STRADB: variants seen among roughly 807,000 people sequenced by gnomAD.
STRADB encodes the protein STE20 related adaptor beta, also known as STE20-related kinase adapter protein beta.
A neutral mutation model predicts 52.1 loss-of-function variants in STRADB; 34 were observed. The observed-to-expected ratio is 0.65, with a 90% CI of 0.50 to 0.87. The LOEUF (loss-of-function observed/expected upper bound fraction) is 0.87. STRADB is among the 40% of genes least tolerant of loss of function. The pLI, the probability that STRADB is intolerant of heterozygous loss-of-function variation, is 0.00. For synonymous variants in STRADB, 133 were observed against 174.5 expected, an observed-to-expected ratio of 0.76 and a Z score of 1.87; for missense variants, 340 against 483.9, an observed-to-expected ratio of 0.70 and a Z score of 2.79.
chr2:201,474,294 A>G (rs1952438883), intron 5 of STRADB, among the ~76,000 whole-genome samples: 2 of 152,236 alleles, frequency 1.3e-5, no homozygotes, highest in South Asian at 4.1e-4. Flanking sequence ...TGAGGTAGCA[A>G]TAGAGGGATT....
intron 3 of STRADB, 68 bp downstream of exon 3, chr2:201,458,932 C>T (rs1952170475): frequency 1.4e-6 from 2 of 1,387,260 alleles, no homozygotes; most frequent in Admixed American, 1.8e-5. Context: ...GAGGCCAAGG[C>T]AGGAGAATCA....
At chr2:201,458,734 C>A in intron 2 of STRADB, 50 bp from the exon 3 acceptor site, 1 of 1,555,654 alleles carries the variant, frequency 6.4e-7, no homozygotes, top group Non-Finnish European at 8.8e-7. Context: ...ACCACCCCTG[C>A]TTATCCTGTA....
chr2:201,472,791 TG>T lies in STRADB; in HGVS notation c.194-162del, dbSNP rs1952411073. 10 of 572,688 alleles carry T rather than the reference TG, an allele frequency of 1.7e-5. No homozygotes were observed. The Middle Eastern group carries it at 1.6e-3, about 90-fold the overall frequency. 35.5% of individuals were successfully genotyped at this position (572,688 alleles called of 1,614,324 possible). ...TTTAATCCTCTGCCTGTTTTTTAAT[TG>T]GATTGCTTGATAAGTATTATTAATA... On this transcript the variant is annotated intron_variant, in intron 4 of 11. Coordinates refer to ENST00000194530, the MANE Select transcript of STRADB (RefSeq NM_018571.6).
At position 201,454,855 on chromosome 2, in the gene STRADB, A is replaced by G; in HGVS notation, c.12+3A>G. On this transcript the variant is annotated splice_donor_region_variant and intron_variant, in intron 2 of 11. Coordinates refer to ENST00000194530, the MANE Select transcript of STRADB (RefSeq NM_018571.6). ...AAAGTGATTCAATGTCTCTTTTGGTAAGTTTTTGTAAATATAGATCTGATT... is the reference window on the plus strand; with the variant it reads ...AAAGTGATTCAATGTCTCTTTTGGTGAGTTTTTGTAAATATAGATCTGATT... 1.2e-6 allele frequency: 2 copies of G among 1,607,974 alleles called. No homozygotes were observed. Among genetic ancestry groups the G allele is most frequent in the Non-Finnish European group, 1.7e-6 (2 of 1,177,352 alleles).
At chr2:201,461,464 G>GC (rs1280216998) in intron 3 of STRADB, among the ~76,000 whole-genome samples, 4 of 152,108 alleles carry the variant, frequency 2.6e-5, no homozygotes, top group Non-Finnish European at 4.4e-5. Context: ...GAGCCAATGT[G>GC]CCCAGAACTG....
chr2:201,477,658 C>G lies in STRADB; in HGVS notation c.588C>G (p.Gly196=). The G allele has an allele frequency of 1.2e-6, 2 of 1,610,510 alleles. No individual in the cohort carries two copies. The highest frequency in any genetic ancestry group is 1.7e-6 in the Non-Finnish European group (2 of 1,177,274). The change falls in exon 8 of 12, where the codon GGC becomes GGG. Residue 196 remains glycine, a synonymous_variant. Transcript: ENST00000194530. ...GCCATATCCTCATTTCTGGTGATGG[C>G]CTAGTGACCCTCTCTGGCCTGTCCC... ...KASHILISGD[G]LVTLSGLSHL...
chr2:201,477,906 T>G, intron 8 of STRADB, 116 bp downstream of exon 8: 1 of 1,330,930 alleles, frequency 7.5e-7, no homozygotes, highest in South Asian at 1.4e-5. Flanking sequence ...AAGACTTTAT[T>G]TCTCTTTCTT....
chr2:201,467,473 G>A (rs1467237069), intron 3 of STRADB, among the ~76,000 whole-genome samples: 2 of 152,130 alleles, frequency 1.3e-5, no homozygotes, highest in African/African-American at 4.8e-5. Context: ...CTTGATGCCT[G>A]AGCCACACTT....
intron 2 of STRADB, among the ~76,000 whole-genome samples, chr2:201,458,536 A>G (rs965155099): frequency 1.3e-5 from 2 of 152,242 alleles, no homozygotes; most frequent in Non-Finnish European, 2.9e-5. Context: ...AAAAGAGGGC[A>G]AGGATCAGTG....
chr2:201,470,107 C>A (rs970594136), intron 4 of STRADB, 55 bp downstream of exon 4: 2 of 1,348,976 alleles, frequency 1.5e-6, no homozygotes, highest in Admixed American at 3.5e-5. Context: ...AAATTGATGA[C>A]AAAAAGATTA....
chr2:201,452,413 G>A (rs980595648), intron 1 of STRADB, among the ~76,000 whole-genome samples: 5 of 152,234 alleles, frequency 3.3e-5, no homozygotes, highest in Non-Finnish European at 7.3e-5. Flanking sequence ...AAATACTCGA[G>A]TGTCGTTTTG....
chr2:201,474,066 A>G (rs909863293), intron 5 of STRADB, among the ~76,000 whole-genome samples: 1 of 151,790 alleles, frequency 6.6e-6, no homozygotes, highest in African/African-American at 2.4e-5. Flanking sequence ...AACTTTTTGT[A>G]TTTTTAGTAG....
intron 1 of STRADB, among the ~76,000 whole-genome samples, chr2:201,453,514 A>G (rs1056399019): frequency 7.2e-5 from 11 of 152,142 alleles, no homozygotes; most frequent in African/African-American, 2.7e-4. Context: ...TGTATTGACT[A>G]TGATGTGTAG....
At chr2:201,459,940 C>A (rs1278085657) in intron 3 of STRADB, among the ~76,000 whole-genome samples, 1 of 152,116 alleles carries the variant, frequency 6.6e-6, no homozygotes, top group South Asian at 2.1e-4. Flanking sequence ...TCCACTTACA[C>A]TTTTTATTTG....
At position 201,480,543 on chromosome 2, in the gene STRADB, T is replaced by A; in HGVS notation, c.*368T>A. 9.9e-7 allele frequency: 1 copy of A among 1,010,226 alleles called. No homozygotes were observed. The highest frequency in any genetic ancestry group is 1.2e-6 in the Non-Finnish European group (1 of 844,726). The allele number at this position is 1,010,226 out of a possible 1,614,324, so 62.6% of individuals were successfully genotyped here. On this transcript the variant is annotated 3_prime_UTR_variant, in exon 12 of 12. Transcript: ENST00000194530. The stretch of plus-strand genomic sequence containing the variant: ...AGAGGACAGTGCTTCCAAGTACATC[T>A]TCTCCCAGATTCTCTGGCCTTTTTA...
At chr2:201,460,080 A>G (rs997368849) in intron 3 of STRADB, among the ~76,000 whole-genome samples, 2 of 152,144 alleles carry the variant, frequency 1.3e-5, no homozygotes, top group African/African-American at 4.8e-5. Context: ...CTTATTCACT[A>G]CAAAATTAGT....
At chr2:201,453,347 A>G (rs1952079442) in intron 1 of STRADB, among the ~76,000 whole-genome samples, 1 of 152,214 alleles carries the variant, frequency 6.6e-6, no homozygotes, top group African/African-American at 2.4e-5. Flanking sequence ...TTGGTTAATC[A>G]TGACATCCAT....
chr2:201,470,007 C>G lies in STRADB; in HGVS notation c.148C>G (p.Leu50Val). 6.2e-7 allele frequency: 1 copy of G among 1,614,086 alleles called. No homozygotes were observed. The highest frequency in any genetic ancestry group is 8.5e-7 in the Non-Finnish European group (1 of 1,179,968). ...SRPSTRASEV[L>V]CSTNVSHYEL... is the part of the protein sequence containing the mutation. Reference sequence around the variant, plus strand: ...TCCATCCACTAGAGCCAGTGAAGTACTATGTTCCACCAACGTTTCTCACTA... The same window carrying G: ...TCCATCCACTAGAGCCAGTGAAGTAGTATGTTCCACCAACGTTTCTCACTA... Residue 50 changes from leucine to valine, a missense_variant, in exon 4 of 12, where the codon CTA (leucine) becomes GTA (valine). Transcript: ENST00000194530.
intron 10 of STRADB, 76 bp downstream of exon 10, chr2:201,478,677 C>A: frequency 6.8e-7 from 1 of 1,472,158 alleles, no homozygotes; most frequent in East Asian, 2.3e-5. Flanking sequence ...CATTGCCCTT[C>A]CAGGAGAATA....
Sources: gnomAD v4.1 joint callset for allele counts (sites outside exome capture counted in the v4.1 genomes callset) on GRCh38, gnomAD v4.1.1 for gene constraint, MANE v1.5 for transcripts, NCBI Gene and HGNC (gene_info 2026-07-23, HGNC 2026-07-21) for gene names.